Variants in SCTR observed in about 807,000 individuals in gnomAD.
The protein encoded by SCTR is secretin receptor.
SCTR carries 56 observed loss-of-function variants against 60.8 expected under a neutral mutation model. That is an observed-to-expected ratio of 0.92 (90% CI 0.74 to 1.15). The LOEUF is 1.15. Among genes scored for constraint, SCTR ranks in the 50% most tolerant of loss-of-function variants. SCTR has a pLI of 0.00. For synonymous variants in SCTR, 202 were observed against 217.0 expected (o/e 0.93, Z 0.61); for missense variants, 562 against 550.4 (o/e 1.02, Z -0.21).
At chr2:119,468,031 A>C (rs887561600) in intron 4 of SCTR, among the ~76,000 whole-genome samples, 1 of 152,188 alleles carries the variant, frequency 6.6e-6, no homozygotes, top group Non-Finnish European at 1.5e-5. Flanking sequence ...AAGAAAACAA[A>C]AAAACTGAAT....
intron 7 of SCTR, among the ~76,000 whole-genome samples, chr2:119,453,555 T>C (rs1411928930): frequency 5.9e-5 from 9 of 152,212 alleles, no homozygotes; most frequent in Admixed American, 5.9e-4. Context: ...CTGGGGACTA[T>C]GGCAGAATCA....
intron 4 of SCTR, among the ~76,000 whole-genome samples, chr2:119,470,434 C>T (rs149320115): frequency 5.9e-5 from 9 of 152,062 alleles, no homozygotes; most frequent in Non-Finnish European, 1.3e-4. Flanking sequence ...CGGTGAATCA[C>T]GTGGTCAGGA....
chr2:119,448,921 C>T (rs1480290228), intron 9 of SCTR, 141 bp from the exon 10 acceptor site: 1 of 614,714 alleles, frequency 1.6e-6, no homozygotes, highest in Non-Finnish European at 2.9e-6. Flanking sequence ...TGCCGCTCCT[C>T]TCCATCCCCT....
At chr2:119,487,675 G>A (rs7562266) in intron 2 of SCTR, among the ~76,000 whole-genome samples, 2,844 of 152,292 alleles carry the variant, frequency 0.019, 40 homozygotes, top group South Asian at 0.053. Flanking sequence ...GGGGCAGGCC[G>A]TGCAGCTATT....
At position 119,509,037 on chromosome 2, in the gene SCTR, A is replaced by G. The variant is rs984115330; in HGVS notation, c.73-14489T>C. Among the ~76,000 whole-genome samples the G allele has an allele frequency of 2.0e-5, 3 of 152,248 alleles. No homozygotes were observed. The East Asian group carries it at 5.8e-4, about 29-fold the overall frequency. ...AACGCCCTATGGGGTTTATACATAC[A>G]TATGACTCCTATCATGGTGGGCGAG... On this transcript the variant is annotated intron_variant, in intron 1 of 12. Coordinates refer to ENST00000019103, the MANE Select transcript of SCTR (RefSeq NM_002980.3).
At chr2:119,492,945 C>T (rs143270316) in intron 2 of SCTR, among the ~76,000 whole-genome samples, 299 of 152,082 alleles carry the variant, frequency 2.0e-3, no homozygotes, top group Non-Finnish European at 3.6e-3. Flanking sequence ...GCAGCCTCTA[C>T]CTCCCGTGCT....
At chr2:119,478,085 T>C (rs192244166) in intron 3 of SCTR, among the ~76,000 whole-genome samples, 2 of 152,340 alleles carry the variant, frequency 1.3e-5, no homozygotes, top group Non-Finnish European at 2.9e-5. Flanking sequence ...AAATCACCTA[T>C]TCTTGTTCAG....
intron 2 of SCTR, among the ~76,000 whole-genome samples, chr2:119,485,625 G>A (rs1243407824): frequency 6.6e-6 from 1 of 152,206 alleles, no homozygotes; most frequent in African/African-American, 2.4e-5. Context: ...TGCTGAACTG[G>A]GCCACTCACA....
At chr2:119,500,742 G>A (rs1038199027) in intron 1 of SCTR, among the ~76,000 whole-genome samples, 3 of 152,068 alleles carry the variant, frequency 2.0e-5, no homozygotes, top group Non-Finnish European at 4.4e-5. Flanking sequence ...GGAGAAAAGG[G>A]GTTGAAGAGA....
In SCTR at chr2:119,446,782, CA is replaced by C. The variant is rs1488291374; in HGVS notation, c.1116del (p.Phe372LeufsTer3). 1 of 1,560,864 alleles carries C rather than the reference CA, an allele frequency of 6.4e-7. No homozygotes were observed. The highest frequency in any genetic ancestry group is 8.7e-7 in the Non-Finnish European group (1 of 1,151,720). The stretch of plus-strand genomic sequence containing the variant: ...ACCTGGAATGAGCCAAGGGCTAGTT[CA>C]AAAAACAGCTGGATCTCCATAGCGT... ...PEDAMEIQLFFELALGSFQGL... is the reference protein window; with the variant it reads ...PEDAMEIQLFXELALGSFQGL... On this transcript the variant is annotated frameshift_variant, in exon 11 of 13. Transcript: ENST00000019103. LOFTEE classifies it high-confidence loss of function.
intron 1 of SCTR, among the ~76,000 whole-genome samples, chr2:119,503,938 A>G (rs1008376803): frequency 6.6e-6 from 1 of 152,216 alleles, no homozygotes; most frequent in African/African-American, 2.4e-5. Flanking sequence ...ATTTTTCTGT[A>G]TACCTAATTC....
intron 1 of SCTR, among the ~76,000 whole-genome samples, chr2:119,510,294 G>A (rs1573923267): frequency 6.6e-6 from 1 of 152,268 alleles, no homozygotes; most frequent in East Asian, 1.9e-4. Flanking sequence ...GATAATGTGG[G>A]GGGAGGGGGT....
intron 1 of SCTR, among the ~76,000 whole-genome samples, chr2:119,523,415 A>ATTAT (rs1553470458): frequency 6.8e-6 from 1 of 146,522 alleles, no homozygotes; most frequent in East Asian, 2.0e-4. Context: ...TATTATTATT[A>ATTAT]TTATTATTAT....
At chr2:119,487,520 G>A (rs559144795) in intron 2 of SCTR, among the ~76,000 whole-genome samples, 15 of 146,646 alleles carry the variant, frequency 1.0e-4, no homozygotes, top group African/African-American at 2.9e-4. Flanking sequence ...ACATGCCCAG[G>A]TCTGTCTGAC....
chr2:119,451,790 G>T (rs550396173), intron 9 of SCTR, among the ~76,000 whole-genome samples: 1 of 152,148 alleles, frequency 6.6e-6, no homozygotes, highest in Non-Finnish European at 1.5e-5. Flanking sequence ...AACCAGGTTC[G>T]CAGGCTCTTG....
intron 11 of SCTR, among the ~76,000 whole-genome samples, chr2:119,442,103 G>A (rs538183622): frequency 6.6e-6 from 1 of 152,386 alleles, no homozygotes; most frequent in East Asian, 1.9e-4. Flanking sequence ...GCCAGCCAGT[G>A]GTGAGCAGGG....
At chr2:119,506,623 C>A (rs1678748391) in intron 1 of SCTR, among the ~76,000 whole-genome samples, 1 of 151,984 alleles carries the variant, frequency 6.6e-6, no homozygotes, top group South Asian at 2.1e-4. Context: ...TAGGGCTACG[C>A]ATGCACTGCC....
At chr2:119,461,822 A>G (rs768244754) in intron 7 of SCTR, 25 bp downstream of exon 7, 21 of 1,593,944 alleles carry the variant, frequency 1.3e-5, no homozygotes, top group Non-Finnish European at 1.7e-5. Context: ...TACCATGCAG[A>G]TATCAGACCC....
At chr2:119,486,586 CG>C (rs1405721380) in intron 2 of SCTR, 1 of 152,078 alleles carries the variant, frequency 6.6e-6, no homozygotes, top group Non-Finnish European at 1.5e-5. Context: ...ACCTTTCTCT[CG>C]GGAGGGTAAG....
Sources: gnomAD v4.1 joint callset for allele counts (sites outside exome capture counted in the v4.1 genomes callset) on GRCh38, gnomAD v4.1.1 for gene constraint, MANE v1.5 for transcripts, NCBI Gene and HGNC (gene_info 2026-07-23, HGNC 2026-07-21) for gene names.